Variants in STRC observed in about 807,000 individuals in gnomAD.
The protein encoded by STRC is stereocilin.
In STRC, 43 loss-of-function variants were observed where a neutral mutation model predicts 103.5. That is an observed-to-expected ratio of 0.42 (90% confidence interval 0.33 to 0.54). The LOEUF (loss-of-function observed/expected upper bound fraction) is 0.54, where lower values mean the gene tolerates loss of function less well. STRC is among the 20% of genes least tolerant of loss of function. STRC has a pLI of 0.14. For missense variants in STRC, 499 were observed against 1,088.5 expected, an observed-to-expected ratio of 0.46 and a Z score of 7.62; for synonymous variants, 186 against 442.3, an observed-to-expected ratio of 0.42 and a Z score of 7.27.
intron 23 of STRC, among the ~76,000 whole-genome samples, chr15:43,602,119 C>G (rs1331243151): frequency 1.1e-4 from 9 of 84,620 alleles, no homozygotes; most frequent in Non-Finnish European, 1.8e-4. Flanking sequence ...GAGACTCTGT[C>G]TCAAAAAAAA....
In STRC at chr15:43,604,149, C is replaced by T. The variant is rs747740865; in HGVS notation, c.4222G>A (p.Ala1408Thr). 5.6e-6 allele frequency: 9 copies of T among 1,609,048 alleles called. No homozygotes were observed. The highest frequency in any genetic ancestry group is 7.6e-6 in the Non-Finnish European group (9 of 1,177,928). The change falls in exon 22 of 29, where the codon GCC becomes ACC. Residue 1408 changes from alanine to threonine, a missense_variant. Transcript: ENST00000450892. ...CGCTCCAGGGTCTCTGGACCCAAGG[C>T]CTCCTGCATGAGAAGGTAGAAGGAG... ...TEAISLIPRE[A>T]LGPETLERLL...
intron 25 of STRC, 24 bp from the exon 26 acceptor site, chr15:43,600,706 A>G (rs1417054026): frequency 1.2e-6 from 2 of 1,612,788 alleles, no homozygotes; most frequent in African/African-American, 2.7e-5. Context: ...GGAAGGAAGG[A>G]AGAAGAATTC....
rs2085659223 is a variant in STRC at position 43,600,725 on chromosome 15, T to C, written c.4845-43A>G. The C allele has an allele frequency of 9.3e-6, 15 of 1,612,686 alleles. 1 individual carries two copies. Among genetic ancestry groups the C allele is most frequent in the Non-Finnish European group, 1.3e-5 (15 of 1,179,374 alleles). On this transcript the variant is annotated intron_variant, in intron 25 of 28. Transcript: ENST00000450892. The stretch of plus-strand genomic sequence containing the variant: ...GGAAGGAAGAAGAATTCGGCTTCAG[T>C]GAAAGGGGCTGTGGTCATGAGACAA...
At position 43,600,502 on chromosome 15, in the gene STRC, C is replaced by G. The variant is rs757772097; in HGVS notation, c.4993+32G>C. On this transcript the variant is annotated intron_variant, in intron 26 of 28. Transcript: ENST00000450892. ...TCCACCCATGGTATAGAAACCAAAC[C>G]AACTTGCACCAGCAGTGGCCCAGCT... 8.7e-6 allele frequency: 14 copies of G among 1,610,050 alleles called. 1 individual carries two copies. Among genetic ancestry groups the G allele is most frequent in the Non-Finnish European group, 1.2e-5 (14 of 1,177,380 alleles).
chr15:43,601,112 T>G (rs1236034082), intron 24 of STRC, 98 bp from the exon 25 acceptor site: 5 of 982,190 alleles, frequency 5.1e-6, no homozygotes, highest in Non-Finnish European at 1.5e-6. Flanking sequence ...TCTGTTACTA[T>G]TAAGACCTAA....
At chr15:43,602,226 G>C (rs2085675706) in intron 23 of STRC, among the ~76,000 whole-genome samples, 1 of 151,500 alleles carries the variant, frequency 6.6e-6, no homozygotes, top group South Asian at 2.1e-4. Flanking sequence ...TGACACCCAG[G>C]CTGGAGGGCA....
At chr15:43,607,008 A>G (rs1258945365) in intron 18 of STRC, among the ~76,000 whole-genome samples, 1 of 150,048 alleles carries the variant, frequency 6.7e-6, no homozygotes, top group Non-Finnish European at 1.5e-5. Flanking sequence ...TCAAAAAAAA[A>G]AAAAAAGAAA....
At position 43,603,227 on chromosome 15, in the gene STRC, C is replaced by A; in HGVS notation, c.4545+15G>T. ...CTTCCTCATGGCCAACCCCAGTTGG[C>A]TCTCCATCCCTAACCTGTTTTGCTT... On this transcript the variant is annotated intron_variant, in intron 23 of 28. Coordinates refer to ENST00000450892, the MANE Select transcript of STRC (RefSeq NM_153700.2). The A allele has an allele frequency of 6.2e-7, 1 of 1,612,860 alleles. No homozygotes were observed. Among genetic ancestry groups the A allele is most frequent in the Non-Finnish European group, 8.5e-7 (1 of 1,179,528 alleles).
intron 16 of STRC, among the ~76,000 whole-genome samples, chr15:43,608,527 A>T (rs2085727004): frequency 7.1e-6 from 1 of 139,904 alleles, no homozygotes; most frequent in Non-Finnish European, 1.6e-5. Flanking sequence ...GGAGTTTGAG[A>T]CCAGCCTGGC....
At chr15:43,608,426 T>C (rs1337030807) in intron 16 of STRC, among the ~76,000 whole-genome samples, 1 of 142,168 alleles carries the variant, frequency 7.0e-6, no homozygotes, top group Non-Finnish European at 1.5e-5. Context: ...CCCAACATCA[T>C]TCTGCTAGAA....
At chr15:43,604,888 C>A (rs1323911970) in intron 19 of STRC, 42 bp from the exon 20 acceptor site, 3 of 1,570,854 alleles carry the variant, frequency 1.9e-6, no homozygotes, top group Non-Finnish European at 1.7e-6. Flanking sequence ...ACTTCTGACT[C>A]AGAATACCAG....
At position 43,605,405 on chromosome 15, in the gene STRC, A is replaced by G; in HGVS notation, c.3795-6T>C. 6.2e-7 allele frequency: 1 copy of G among 1,600,168 alleles called. No homozygotes were observed. Among genetic ancestry groups the G allele is most frequent in the African/African-American group, 1.3e-5 (1 of 74,824 alleles). On this transcript the variant is annotated splice_polypyrimidine_tract_variant and splice_region_variant and intron_variant, in intron 18 of 28. Coordinates refer to ENST00000450892, the MANE Select transcript of STRC (RefSeq NM_153700.2). ...GTCTGTCCATCAACTGGATCCTATT[A>G]CAGCAATTTGACAACAACAGGATTC...
intron 18 of STRC, among the ~76,000 whole-genome samples, chr15:43,606,949 G>A (rs2085714108): frequency 8.5e-6 from 1 of 117,020 alleles, no homozygotes; most frequent in African/African-American, 3.3e-5. Flanking sequence ...GCAGTGAGCC[G>A]AGATCACGTC....
rs557769934 is a variant in STRC at position 43,604,831 on chromosome 15, G to A, written c.3946C>T (p.Pro1316Ser). The change falls in exon 20 of 29, where the codon CCA (proline) becomes TCA (serine). Residue 1316 changes from proline to serine, a missense_variant. By Grantham distance (74) the Pro-to-Ser change is moderately conservative (BLOSUM62 -1). Coordinates refer to ENST00000450892, the MANE Select transcript of STRC (RefSeq NM_153700.2). Reference sequence around the variant, plus strand: ...GTCTCCAGCACTTCCCCTGAGACTGGAGTCTCCTTTGGAGCCTGGAGAAGA... The same window carrying A: ...GTCTCCAGCACTTCCCCTGAGACTGAAGTCTCCTTTGGAGCCTGGAGAAGA... ...ALQNLAPKET[P>S]VSGEVLETLG... 3.7e-6 allele frequency: 6 copies of A among 1,611,068 alleles called. No homozygotes were observed. In the African/African-American group the frequency reaches 5.3e-5, roughly 14 times the overall value.
At chr15:43,603,572 A>T (rs1449734748) in intron 22 of STRC, 161 bp from the exon 23 acceptor site, 2 of 804,500 alleles carry the variant, frequency 2.5e-6, no homozygotes, top group East Asian at 2.6e-5. Context: ...GGCTTAGGAG[A>T]TAATAGAACA....
In STRC at chr15:43,600,625, C is replaced by T; in HGVS notation, c.4902G>A (p.Glu1634=). 5 of 1,613,784 alleles carry T rather than the reference C, an allele frequency of 3.1e-6. No homozygotes were observed. The highest frequency in any genetic ancestry group is 4.2e-6 in the Non-Finnish European group (5 of 1,179,886). ...LHLQCSEEQL[E]VLAHLLVLPG... ...GCAGTACAAGTAGGTGGGCCAGAACCTCCAGTTGTTCCTCAGAGCACTGGA... is the reference window on the plus strand; with the variant it reads ...GCAGTACAAGTAGGTGGGCCAGAACTTCCAGTTGTTCCTCAGAGCACTGGA... The change falls in exon 26 of 29, where the codon GAG becomes GAA. Residue 1634 remains glutamate, a synonymous_variant. Transcript: ENST00000450892.
rs565825833 is a variant in STRC, at chr15:43,605,465, A to G, written c.3795-66T>C. Reference sequence around the variant, plus strand: ...TGGGCCAAGTCGAGAAGGGACCACAAAACCCCACAGTCCGCAGCTAAGATG... The same window carrying G: ...TGGGCCAAGTCGAGAAGGGACCACAGAACCCCACAGTCCGCAGCTAAGATG... On this transcript the variant is annotated intron_variant, in intron 18 of 28. Coordinates refer to ENST00000450892, the MANE Select transcript of STRC (RefSeq NM_153700.2). 436 of 1,556,212 alleles carry G rather than the reference A, an allele frequency of 2.8e-4. 4 individuals carry two copies. Among genetic ancestry groups the G allele is most frequent in the South Asian group, 1.3e-3 (109 of 84,422 alleles).
rs1320606430 is a variant in STRC at position 43,607,150 on chromosome 15, G to T, written c.3794+713C>A. ...GGATGGCAACGGGGTGGTGGTAGGG[G>T]TAAAATGAGAAAAGCAGCATATGAG... On this transcript the variant is annotated intron_variant, in intron 18 of 28. Transcript: ENST00000450892. Among the ~76,000 whole-genome samples, 13 of 137,752 alleles carry T rather than the reference G, an allele frequency of 9.4e-5. 1 individual carries two copies. In the Middle Eastern group the frequency reaches 0.015, roughly 158 times the overall value. The allele number at this position is 137,752 out of a possible 152,430, so 90.4% of individuals were successfully genotyped here. A position where few individuals can be genotyped will look rare whatever the true frequency, so the allele number is the denominator to read the frequency against.
Position 43,604,861 on chromosome 15 carries a change from C to T in STRC, c.3931-15G>A, listed in dbSNP as rs768619955. ...TCCTTTGGAGCCTGGAGAAGAGCATCAGAACTTGGACAATGCACTTCTGAC... is the reference window on the plus strand; with the variant it reads ...TCCTTTGGAGCCTGGAGAAGAGCATTAGAACTTGGACAATGCACTTCTGAC... On this transcript the variant is annotated splice_polypyrimidine_tract_variant and intron_variant, in intron 19 of 28. Transcript: ENST00000450892. 1.3e-5 allele frequency: 20 copies of T among 1,595,282 alleles called. No homozygotes were observed. Among genetic ancestry groups the T allele is most frequent in the Non-Finnish European group, 1.6e-5 (19 of 1,168,636 alleles).
Sources: gnomAD v4.1 joint callset for allele counts (sites outside exome capture counted in the v4.1 genomes callset) on GRCh38, gnomAD v4.1.1 for gene constraint, MANE v1.5 for transcripts, NCBI Gene and HGNC (gene_info 2026-07-23, HGNC 2026-07-21) for gene names.